Variants in IL34 observed in about 807,000 individuals in gnomAD.
IL34 encodes the protein interleukin 34.
A neutral mutation model predicts 25.3 loss-of-function variants in IL34; 17 were observed. That is an observed-to-expected ratio of 0.67 (90% CI 0.46 to 1.01). IL34 has a LOEUF of 1.01. Among genes scored for constraint, IL34 ranks in the 50% least tolerant of loss-of-function variants. The pLI, the probability that IL34 is intolerant of heterozygous loss-of-function variation, is 0.00. For missense variants in IL34, 368 were observed against 312.9 expected (o/e 1.18, Z -1.33); for synonymous variants, 174 against 140.9 (o/e 1.23, Z -1.66).
At chr16:70,654,509 C>A (rs757561747) in intron 1 of IL34, 29 bp from the exon 2 acceptor site, 2 of 1,585,998 alleles carry the variant, frequency 1.3e-6, no homozygotes, top group Non-Finnish European at 1.7e-6. Context: ...GGAGGGTGCT[C>A]ATGTGCTCTT....
At chr16:70,602,468 G>T (rs2050932337) in intron 1 of IL34, among the ~76,000 whole-genome samples, 1 of 152,068 alleles carries the variant, frequency 6.6e-6, no homozygotes, top group African/African-American at 2.4e-5. Context: ...TGGAGGTTGA[G>T]GCTGCAGTGA....
rs895853100 is a variant in IL34 at position 70,651,162 on chromosome 16, G to A, written c.29-3376G>A. Among the ~76,000 whole-genome samples the A allele has an allele frequency of 3.9e-5, 6 of 152,096 alleles. No homozygotes were observed. In the East Asian group the frequency reaches 9.7e-4, roughly 24 times the overall value. Reference sequence around the variant, plus strand: ...ACCGATGGGGGCTGATGCAGAAAGGGGAGACCCTGGCGTGGTGATGGGGGG... The same window carrying A: ...ACCGATGGGGGCTGATGCAGAAAGGAGAGACCCTGGCGTGGTGATGGGGGG... On this transcript the variant is annotated intron_variant, in intron 1 of 5. Coordinates refer to ENST00000288098, the MANE Select transcript of IL34 (RefSeq NM_001393494.1).
chr16:70,620,405 G>A lies in IL34; in HGVS notation c.-400-26143G>A, dbSNP rs543072211. 2.6e-4 allele frequency among the ~76,000 whole-genome samples: 40 copies of A among 151,656 alleles called. No individual in the cohort carries two copies. The South Asian group carries it at 6.0e-3, about 23-fold the overall frequency. On this transcript the variant is annotated intron_variant, in intron 1 of 6. Transcript: ENST00000429149. ...GGGCAGGTGGGGGAGGGCTAGTCAC[G>A]CAACGAAACTGTAAGCCCCACCAGG...
intron 1 of IL34, among the ~76,000 whole-genome samples, chr16:70,602,187 C>G (rs1006873252): frequency 1.3e-5 from 2 of 152,190 alleles, no homozygotes; most frequent in African/African-American, 4.8e-5. Flanking sequence ...GCCTCACAAT[C>G]AGGCTTTTGA....
chr16:70,589,524 A>G (rs980511569), intron 1 of IL34, among the ~76,000 whole-genome samples: 3 of 152,060 alleles, frequency 2.0e-5, no homozygotes, highest in African/African-American at 7.2e-5. Flanking sequence ...TTTGCTGAGG[A>G]TAATGGCCTC....
intron 4 of IL34, chr16:70,657,406 G>T: frequency 2.7e-6 from 1 of 375,276 alleles, no homozygotes; most frequent in East Asian, 4.9e-5. Flanking sequence ...GCAAGTCATC[G>T]TACCCTCTTT....
At chr16:70,646,394 G>A (rs1407865521), upstream of IL34, among the ~76,000 whole-genome samples, 2 of 152,138 alleles carry the variant, frequency 1.3e-5, no homozygotes, top group Non-Finnish European at 2.9e-5. Context: ...AGGGCCGTTC[G>A]GACATCCTGA....
chr16:70,645,386 C>T (rs1253685156), upstream of IL34, among the ~76,000 whole-genome samples: 65 of 152,168 alleles, frequency 4.3e-4, no homozygotes, highest in Admixed American at 4.3e-3. Flanking sequence ...CAAGTCATAC[C>T]TGCTCTCCCC....
intron 1 of IL34, among the ~76,000 whole-genome samples, chr16:70,589,997 G>A (rs553240767): frequency 1.1e-3 from 164 of 152,340 alleles, no homozygotes; most frequent in African/African-American, 3.6e-3. Flanking sequence ...ATGAGGCAAC[G>A]CATGTGAACT....
chr16:70,635,401 C>A (rs1365615104), intron 1 of IL34, among the ~76,000 whole-genome samples: 1 of 152,238 alleles, frequency 6.6e-6, no homozygotes, highest in Non-Finnish European at 1.5e-5. Context: ...TTGTCTCCTG[C>A]TGCTCTCAGG....
chr16:70,636,628 CAA>C (rs10670948), intron 1 of IL34, among the ~76,000 whole-genome samples: 16 of 121,858 alleles, frequency 1.3e-4, no homozygotes, highest in African/African-American at 4.1e-4. Flanking sequence ...CACACACACA[CAA>C]AATTAGCTGG....
chr16:70,587,807 G>A (rs891312222), intron 1 of IL34, among the ~76,000 whole-genome samples: 5 of 152,112 alleles, frequency 3.3e-5, no homozygotes, highest in Non-Finnish European at 2.9e-5. Context: ...GGGAGGCCGA[G>A]GCGAGCAGAT....
chr16:70,625,004 G>C (rs185728018), intron 1 of IL34, among the ~76,000 whole-genome samples: 1 of 152,072 alleles, frequency 6.6e-6, no homozygotes, highest in Non-Finnish European at 1.5e-5. Context: ...CTGGACATCA[G>C]GCACCTCAGA....
At chr16:70,592,245 G>A (rs79515671) in intron 1 of IL34, among the ~76,000 whole-genome samples, 4,802 of 152,264 alleles carry the variant, frequency 0.032, 289 homozygotes, top group African/African-American at 0.11. Flanking sequence ...ACTTTCCAGT[G>A]TCTTGTCACA....
rs906340887 is a variant in IL34 at position 70,660,668 on chromosome 16, C to T, written c.*481C>T. The stretch of plus-strand genomic sequence containing the variant: ...TCCAGTTTCTTTTTTCTATTAAACA[C>T]CCCACTTCCTTTGGTTTGCTTTGCT... On this transcript the variant is annotated 3_prime_UTR_variant, in exon 6 of 6. Transcript: ENST00000288098. The T allele has an allele frequency of 1.3e-5, 2 of 158,816 alleles. No homozygotes were observed. The highest frequency in any genetic ancestry group is 2.4e-5 in the African/African-American group (1 of 41,530). 9.8% of individuals were successfully genotyped at this position (158,816 alleles called of 1,614,324 possible).
chr16:70,659,277 A>G (rs1386078872), intron 4 of IL34, among the ~76,000 whole-genome samples: 2 of 152,178 alleles, frequency 1.3e-5, no homozygotes, highest in African/African-American at 4.8e-5. Flanking sequence ...CTTGAGGGAC[A>G]GTTTTCCCCA....
At chr16:70,639,508 A>G (rs1292231159) in intron 1 of IL34, among the ~76,000 whole-genome samples, 2 of 152,240 alleles carry the variant, frequency 1.3e-5, no homozygotes, top group African/African-American at 2.4e-5. Context: ...CAGTGAATTA[A>G]TGGATCTAGG....
At chr16:70,613,525 C>T (rs772787926) in intron 1 of IL34, among the ~76,000 whole-genome samples, 3 of 152,162 alleles carry the variant, frequency 2.0e-5, no homozygotes, top group African/African-American at 7.2e-5. Context: ...AACCTTGGTA[C>T]TCAAAGTGTG....
chr16:70,624,188 G>A (rs1394377818), intron 1 of IL34, among the ~76,000 whole-genome samples: 1 of 152,000 alleles, frequency 6.6e-6, no homozygotes, highest in Non-Finnish European at 1.5e-5. Context: ...CGGCTTAGGA[G>A]GAATCCCGGG....
Sources: allele counts gnomAD v4.1 joint callset (sites outside exome capture counted in the v4.1 genomes callset), GRCh38; gene constraint gnomAD v4.1.1; transcripts MANE v1.5; gene names NCBI Gene and HGNC (gene_info 2026-07-23, HGNC 2026-07-21).